Variants in SAMD3 observed in about 807,000 individuals in gnomAD.
SAMD3 encodes sterile alpha motif domain-containing protein 3.
Under a neutral mutation model 58.5 loss-of-function variants are expected in SAMD3, and 63 were observed. The ratio of observed to expected loss-of-function variants is 1.08; its 90% CI spans 0.88 to 1.33. The LOEUF (loss-of-function observed/expected upper bound fraction) is 1.33. SAMD3 is among the 40% of genes most tolerant of loss of function. The pLI is 0.00. For missense variants in SAMD3, 604 were observed against 608.4 expected, an observed-to-expected ratio of 0.99 and a Z score of 0.08; for synonymous variants, 220 against 210.3, an observed-to-expected ratio of 1.05 and a Z score of -0.40.
chr6:130,219,190 T>C (rs1486326610), intron 1 of SAMD3, among the ~76,000 whole-genome samples: 1 of 152,162 alleles, frequency 6.6e-6, no homozygotes, highest in African/African-American at 2.4e-5. Context: ...TTAATTTTTT[T>C]CATACATCAC....
At chr6:130,218,399 A>G (rs1026885358) in intron 1 of SAMD3, among the ~76,000 whole-genome samples, 1 of 152,166 alleles carries the variant, frequency 6.6e-6, no homozygotes, top group African/African-American at 2.4e-5. Flanking sequence ...CAGGTGTCTC[A>G]ATAGCAGCAT....
At chr6:130,237,514 A>C (rs1773203516) in intron 2 of SAMD3, among the ~76,000 whole-genome samples, 1 of 152,138 alleles carries the variant, frequency 6.6e-6, no homozygotes, top group African/African-American at 2.4e-5. Flanking sequence ...AATGATAGAG[A>C]TATATTTTGA....
intron 2 of SAMD3, among the ~76,000 whole-genome samples, chr6:130,264,769 C>A (rs1055475082): frequency 2.6e-5 from 4 of 152,128 alleles, no homozygotes; most frequent in African/African-American, 4.8e-5. Flanking sequence ...CAGCAACAAG[C>A]TTTTCATGAG....
intron 2 of SAMD3, among the ~76,000 whole-genome samples, chr6:130,240,268 G>A (rs1306106560): frequency 6.6e-6 from 1 of 152,058 alleles, no homozygotes; most frequent in Non-Finnish European, 1.5e-5. Context: ...GGAGTCCCAA[G>A]GCACCCACTG....
intron 8 of SAMD3, among the ~76,000 whole-genome samples, chr6:130,162,764 C>T (rs985049122): frequency 2.0e-5 from 3 of 152,192 alleles, no homozygotes; most frequent in African/African-American, 7.2e-5. Context: ...ACTGGACATA[C>T]TCCTGGCTAA....
intron 2 of SAMD3, among the ~76,000 whole-genome samples, chr6:130,254,616 A>C (rs1773864659): frequency 6.6e-6 from 1 of 152,036 alleles, no homozygotes; most frequent in Admixed American, 6.6e-5. Context: ...GGTGTAAGCC[A>C]GTATTGAATA....
At chr6:130,162,201 A>C in intron 8 of SAMD3, 1 of 697,580 alleles carries the variant, frequency 1.4e-6, no homozygotes, top group Non-Finnish European at 2.6e-6. Flanking sequence ...CCAACACCAC[A>C]GTAACCTAAG....
intron 2 of SAMD3, among the ~76,000 whole-genome samples, chr6:130,252,408 T>G (rs548199070): frequency 6.6e-6 from 1 of 152,296 alleles, no homozygotes; most frequent in African/African-American, 2.4e-5. Flanking sequence ...TAGATATTTG[T>G]TCATAAGAAA....
At chr6:130,340,818 T>C (rs1777245523) in intron 1 of SAMD3, among the ~76,000 whole-genome samples, 1 of 152,250 alleles carries the variant, frequency 6.6e-6, no homozygotes. Context: ...TTCCTGCTAT[T>C]GTAACCAGTC....
chr6:130,291,865 C>T (rs1775373433), intron 2 of SAMD3, among the ~76,000 whole-genome samples: 1 of 152,122 alleles, frequency 6.6e-6, no homozygotes, highest in Admixed American at 6.5e-5. Context: ...GTTAGAGTCA[C>T]AGTATGTGGG....
At chr6:130,171,056 C>T (rs1362516904) in intron 8 of SAMD3, among the ~76,000 whole-genome samples, 1 of 152,110 alleles carries the variant, frequency 6.6e-6, no homozygotes, top group Non-Finnish European at 1.5e-5. Flanking sequence ...TTTGCCCATT[C>T]AGTGTGATGT....
intron 1 of SAMD3, among the ~76,000 whole-genome samples, chr6:130,330,506 G>A (rs1424749802): frequency 6.6e-6 from 1 of 152,162 alleles, no homozygotes; most frequent in Non-Finnish European, 1.5e-5. Context: ...AATATAACTG[G>A]ATATGGCTGC....
At chr6:130,363,034 T>A (rs1335451281) in intron 1 of SAMD3, among the ~76,000 whole-genome samples, 2 of 152,216 alleles carry the variant, frequency 1.3e-5, no homozygotes, top group East Asian at 3.8e-4. Flanking sequence ...GTCAGAAAGT[T>A]CATTTTCTTT....
At chr6:130,146,858 A>G (rs1788677406) in intron 9 of SAMD3, among the ~76,000 whole-genome samples, 1 of 152,124 alleles carries the variant, frequency 6.6e-6, no homozygotes, top group South Asian at 2.1e-4. Context: ...GTATAGTCTC[A>G]GCTACTCAGG....
chr6:130,147,189 T>G (rs1788715691), intron 9 of SAMD3, among the ~76,000 whole-genome samples: 1 of 152,154 alleles, frequency 6.6e-6, no homozygotes, highest in Non-Finnish European at 1.5e-5. Context: ...GTGAATTAAT[T>G]TAGTCATTGC....
At chr6:130,321,289 C>T (rs1776577170) in intron 1 of SAMD3, among the ~76,000 whole-genome samples, 1 of 152,114 alleles carries the variant, frequency 6.6e-6, no homozygotes, top group Non-Finnish European at 1.5e-5. Context: ...GATCGAGAGC[C>T]AGTGAGCACC....
At chr6:130,314,042 T>C (rs1376298883) in intron 1 of SAMD3, among the ~76,000 whole-genome samples, 1 of 152,202 alleles carries the variant, frequency 6.6e-6, no homozygotes, top group Non-Finnish European at 1.5e-5. Context: ...ATAGTAAACA[T>C]GTGTGTTTAA....
At chr6:130,241,827 AT>A (rs202189004) in intron 2 of SAMD3, among the ~76,000 whole-genome samples, 6 of 151,528 alleles carry the variant, frequency 4.0e-5, no homozygotes, top group African/African-American at 4.8e-5. Flanking sequence ...TTTAATTTTA[AT>A]TTTTTTTGAA....
At chr6:130,164,088 A>G (rs569831452) in intron 8 of SAMD3, among the ~76,000 whole-genome samples, 1 of 151,550 alleles carries the variant, frequency 6.6e-6, no homozygotes, top group African/African-American at 2.4e-5. Flanking sequence ...GTAGGTTGAA[A>G]AAAAAAAAAA....
Sources: gnomAD v4.1 joint callset for allele counts (sites outside exome capture counted in the v4.1 genomes callset) on GRCh38, gnomAD v4.1.1 for gene constraint, MANE v1.5 for transcripts, NCBI Gene and HGNC (gene_info 2026-07-23, HGNC 2026-07-21) for gene names.